NDUFA13: variants seen among roughly 807,000 people sequenced by gnomAD.
NDUFA13 encodes the protein NADH dehydrogenase [ubiquinone] 1 alpha subcomplex subunit 13.
NDUFA13 carries 16 observed loss-of-function variants against 17.0 expected under a neutral mutation model. That is an observed-to-expected ratio of 0.94 (90% CI 0.64 to 1.43). NDUFA13 has a LOEUF of 1.43. NDUFA13 is among the 40% of genes most tolerant of loss of function. NDUFA13 has a pLI of 0.00. For synonymous variants in NDUFA13, 87 were observed against 78.4 expected (o/e 1.11, Z -0.58); for missense variants, 228 against 206.7 (o/e 1.10, Z -0.63).
intron 1 of NDUFA13, 50 bp from the exon 2 acceptor site, chr19:19,526,132 G>C (rs1367313716): frequency 2.5e-6 from 4 of 1,604,554 alleles, no homozygotes; most frequent in Non-Finnish European, 3.4e-6. Flanking sequence ...AGCTGTGGAG[G>C]AGGGTGTCTG....
chr19:19,516,229 T>C lies in NDUFA13; in HGVS notation c.-10T>C. On this transcript the variant is annotated 5_prime_UTR_variant, in exon 1 of 5. Transcript: ENST00000507754. ...TCCGCCCGGGACCGGAAGTGTGGGA[T>C]ACTGCGAGTATGGCGGCGTCAAAGG... is the stretch of plus-strand genomic sequence containing the variant. The C allele has an allele frequency of 6.2e-7, 1 of 1,614,122 alleles. No individual in the cohort carries two copies. Among genetic ancestry groups the C allele is most frequent in the Non-Finnish European group, 8.5e-7 (1 of 1,180,032 alleles).
At chr19:19,523,313 G>T (rs961410117) in intron 1 of NDUFA13, among the ~76,000 whole-genome samples, 6 of 152,228 alleles carry the variant, frequency 3.9e-5, no homozygotes, top group African/African-American at 1.4e-4. Context: ...GCCAAGGCCG[G>T]GCTCAGTGGC....
intron 1 of NDUFA13, 74 bp downstream of exon 1, chr19:19,516,406 G>A (rs545179199): frequency 6.6e-7 from 1 of 1,518,314 alleles, no homozygotes; most frequent in African/African-American, 1.4e-5. Flanking sequence ...GGGGACACAG[G>A]CGGGCCTCAG....
chr19:19,528,043 C>T lies in NDUFA13; in HGVS notation c.352C>T (p.Pro118Ser), dbSNP rs755854631. The T allele has an allele frequency of 1.9e-6, 3 of 1,612,422 alleles. No homozygotes were observed. Among genetic ancestry groups the T allele is most frequent in the African/African-American group, 1.3e-5 (1 of 74,958 alleles). ...ESVFHTTRWV[P>S]PLIGELYGLR... ...TGTGTTCCACACAACCCGCTGGGTGCCCCCCTTGATCGGGGAGCTGTACGG... is the reference window on the plus strand; with the variant it reads ...TGTGTTCCACACAACCCGCTGGGTGTCCCCCTTGATCGGGGAGCTGTACGG... Residue 118 changes from proline (P) to serine (S), a missense_variant, in exon 5 of 5, where the codon CCC becomes TCC. Transcript: ENST00000507754.
chr19:19,523,823 A>G (rs1027470828), intron 1 of NDUFA13, among the ~76,000 whole-genome samples: 1 of 152,196 alleles, frequency 6.6e-6, no homozygotes. Flanking sequence ...CCAGCTATTC[A>G]GGAAGCTGAG....
chr19:19,516,753 T>G (rs2061051110), intron 1 of NDUFA13, among the ~76,000 whole-genome samples: 1 of 152,220 alleles, frequency 6.6e-6, no homozygotes, highest in African/African-American at 2.4e-5. Context: ...AGCCCCCGCC[T>G]GCATGGTGTC....
intron 1 of NDUFA13, among the ~76,000 whole-genome samples, chr19:19,519,971 CTTTTT>C (rs397963977): frequency 8.3e-6 from 1 of 120,270 alleles, no homozygotes; most frequent in South Asian, 2.8e-4. Context: ...TTTTTGTTCT[CTTTTT>C]TTTTTTTTTT....
intron 1 of NDUFA13, among the ~76,000 whole-genome samples, chr19:19,518,570 G>GGT (rs1568357358): frequency 1.7e-5 from 2 of 120,364 alleles, no homozygotes; most frequent in Admixed American, 8.7e-5. Context: ...TTGTGTGTGT[G>GGT]TTTTTTTTTT....
chr19:19,516,237 G>C lies in NDUFA13; in HGVS notation c.-2G>C. Reference sequence around the variant, plus strand: ...GGACCGGAAGTGTGGGATACTGCGAGTATGGCGGCGTCAAAGGTGAAGCAG... The same window carrying C: ...GGACCGGAAGTGTGGGATACTGCGACTATGGCGGCGTCAAAGGTGAAGCAG... On this transcript the variant is annotated 5_prime_UTR_variant, in exon 1 of 5. Coordinates refer to ENST00000507754, the MANE Select transcript of NDUFA13 (RefSeq NM_015965.7). The C allele has an allele frequency of 6.2e-7, 1 of 1,614,154 alleles. No homozygotes were observed. The highest frequency in any genetic ancestry group is 1.6e-4 in the Middle Eastern group (1 of 6,062).
At chr19:19,522,539 CGCGATCTAG>C (rs1182255959) in intron 1 of NDUFA13, among the ~76,000 whole-genome samples, 1 of 122,346 alleles carries the variant, frequency 8.2e-6, no homozygotes, top group Non-Finnish European at 1.6e-5. Context: ...AGTGCAGTGG[CGCGATCTAG>C]GCTCACTGCA....
In NDUFA13 at chr19:19,528,122, C is replaced by T. The variant is rs779884184; in HGVS notation, c.431C>T (p.Thr144Met). The change falls in exon 5 of 5, where the codon ACG becomes ATG. Residue 144 changes from threonine to methionine, a missense_variant. By Grantham distance (81) the Thr-to-Met change is moderately conservative. Transcript: ENST00000507754. ...GCCAGCCACGGCTTCATGTGGTACA[C>T]GTAGGCCCTGTGCCCTCCGGCCACC... ...LHASHGFMWY[T>M] 1.7e-5 allele frequency: 27 copies of T among 1,611,506 alleles called. No homozygotes were observed. Among genetic ancestry groups the T allele is most frequent in the Admixed American group, 3.3e-5 (2 of 59,986 alleles).
In NDUFA13 at chr19:19,516,263, G is replaced by T. The variant is rs368582473; in HGVS notation, c.25G>T (p.Asp9Tyr). 1.2e-6 allele frequency: 2 copies of T among 1,613,872 alleles called. No individual in the cohort carries two copies. Among genetic ancestry groups the T allele is most frequent in the East Asian group, 4.5e-5 (2 of 44,888 alleles). Residue 9 changes from aspartate (D) to tyrosine (Y), a missense_variant, in exon 1 of 5, where the codon GAC (aspartate) becomes TAC (tyrosine). Coordinates refer to ENST00000507754, the MANE Select transcript of NDUFA13 (RefSeq NM_015965.7). ...TATGGCGGCGTCAAAGGTGAAGCAG[G>T]ACATGCCTCCGCCGGGGGGCTATGG... MAASKVKQ[D>Y]MPPPGGYGPI... is the part of the protein sequence containing the mutation.
chr19:19,517,956 A>G (rs1248879352), intron 1 of NDUFA13, among the ~76,000 whole-genome samples: 1 of 152,110 alleles, frequency 6.6e-6, no homozygotes, highest in African/African-American at 2.4e-5. Flanking sequence ...TACAAATGGA[A>G]AGTGTTCTTA....
At chr19:19,527,511 G>T in intron 3 of NDUFA13, 159 bp downstream of exon 3, 1 of 1,040,750 alleles carries the variant, frequency 9.6e-7, no homozygotes, top group Non-Finnish European at 1.5e-6. Context: ...GGAGACCCAA[G>T]GGGGCGAACC....
chr19:19,524,991 T>C (rs1449122394), intron 1 of NDUFA13, among the ~76,000 whole-genome samples: 1 of 151,866 alleles, frequency 6.6e-6, no homozygotes, highest in Non-Finnish European at 1.5e-5. Flanking sequence ...GAGCCATGAT[T>C]GCGCCCCTGC....
rs534400024 is a variant in NDUFA13 at position 19,527,662 on chromosome 19, A to T, written c.246-39A>T. On this transcript the variant is annotated intron_variant, in intron 3 of 4. Transcript: ENST00000507754. Reference sequence around the variant, plus strand: ...GCCCTAGGCAGGGGCCCCTCAGGGCACTGAGGCCCCACCCCCACCATCGGC... The same window carrying T: ...GCCCTAGGCAGGGGCCCCTCAGGGCTCTGAGGCCCCACCCCCACCATCGGC... 1.0e-4 allele frequency: 157 copies of T among 1,510,410 alleles called. 1 individual carries two copies. In the South Asian group the frequency reaches 1.6e-3, roughly 15 times the overall value. The allele number at this position is 1,510,410 out of a possible 1,614,324, so 93.6% of individuals were successfully genotyped here. A position where few individuals can be genotyped will look rare whatever the true frequency, so the allele number is the denominator to read the frequency against.
intron 1 of NDUFA13, among the ~76,000 whole-genome samples, chr19:19,523,619 T>C (rs1248884435): frequency 1.3e-5 from 2 of 151,868 alleles, no homozygotes; most frequent in Non-Finnish European, 2.9e-5. Context: ...CCACCACATC[T>C]AGCTAATTTA....
At chr19:19,520,069 C>T (rs1009364563) in intron 1 of NDUFA13, among the ~76,000 whole-genome samples, 1 of 146,564 alleles carries the variant, frequency 6.8e-6, no homozygotes, top group Non-Finnish European at 1.5e-5. Context: ...TGGTCTCGAT[C>T]TCCTGACCTC....
intron 1 of NDUFA13, among the ~76,000 whole-genome samples, chr19:19,523,066 T>A (rs2061085281): frequency 6.6e-6 from 1 of 152,250 alleles, no homozygotes; most frequent in Admixed American, 6.5e-5. Flanking sequence ...TGTGAGTCTT[T>A]CAACTTTGTT....
Sources: allele counts gnomAD v4.1 joint callset (sites outside exome capture counted in the v4.1 genomes callset), GRCh38; gene constraint gnomAD v4.1.1; transcripts MANE v1.5; gene names NCBI Gene and HGNC (gene_info 2026-07-23, HGNC 2026-07-21).